The following MKNK2 variants were observed in gnomAD, a reference collection of about 807,000 sequenced individuals.
The protein encoded by MKNK2 is MAP kinase-interacting serine/threonine-protein kinase 2.
MKNK2 carries 54 observed loss-of-function variants against 55.0 expected under a neutral mutation model. The observed-to-expected ratio is 0.98, with a 90% confidence interval of 0.79 to 1.23. MKNK2 has a LOEUF of 1.23. Ranked by LOEUF, MKNK2 falls within the 50% of genes most tolerant of loss-of-function variation. The pLI is 0.00. For missense variants in MKNK2, 685 were observed against 632.1 expected, an observed-to-expected ratio of 1.08 and a Z score of -0.90; for synonymous variants, 323 against 256.0, an observed-to-expected ratio of 1.26 and a Z score of -2.50.
In MKNK2 at chr19:2,039,369, C is replaced by T. The variant is rs950045977; in HGVS notation, c.*244G>A. 4.3e-6 allele frequency: 6 copies of T among 1,380,130 alleles called. No individual in the cohort carries two copies. The African/African-American group carries it at 7.3e-5, about 17-fold the overall frequency. The allele number at this position is 1,380,130 out of a possible 1,614,324, so 85.5% of individuals were successfully genotyped here. On this transcript the variant is annotated 3_prime_UTR_variant, in exon 14 of 14. Transcript: ENST00000250896. ...GCCCACCCACCTACCCTCTGCTCAC[C>T]TTCCCGGGTGCCTGCAATGCTTTTA... is the stretch of plus-strand genomic sequence containing the variant.
intron 2 of MKNK2, 67 bp downstream of exon 2, chr19:2,050,734 G>T: frequency 6.9e-7 from 1 of 1,446,970 alleles, no homozygotes. Context: ...GGCGGGCCCC[G>T]CGCCCCCCAC....
Position 2,039,215 on chromosome 19 carries a change from A to T in MKNK2, c.*398T>A. On this transcript the variant is annotated 3_prime_UTR_variant, in exon 14 of 14. Transcript: ENST00000250896. ...CTGTGCCCCTCCCCAGCTCTGCAAGATGGCAAACGCTGTGGGCCTGCTCTC... is the reference window on the plus strand; with the variant it reads ...CTGTGCCCCTCCCCAGCTCTGCAAGTTGGCAAACGCTGTGGGCCTGCTCTC... 1 of 1,045,540 alleles carries T rather than the reference A, an allele frequency of 9.6e-7. No individual in the cohort carries two copies. The allele number at this position is 1,045,540 out of a possible 1,614,324, so 64.8% of individuals were successfully genotyped here. A position where few individuals can be genotyped will look rare whatever the true frequency, so the allele number is the denominator to read the frequency against.
chr19:2,042,620 T>A lies in MKNK2; in HGVS notation c.641A>T (p.Glu214Val), dbSNP rs1387942336. 8.3e-6 allele frequency: 13 copies of A among 1,565,014 alleles called. No individual in the cohort carries two copies. Among genetic ancestry groups the A allele is most frequent in the Non-Finnish European group, 1.0e-5 (12 of 1,154,508 alleles). Residue 214 changes from glutamate (E) to valine (V), a missense_variant, in exon 9 of 14, where the codon GAG becomes GTG. Coordinates refer to ENST00000250896, the MANE Select transcript of MKNK2 (RefSeq NM_199054.3). The part of the protein sequence containing the change: ...RDLKPENILC[E>V]HPNQVSPVKI... ...GAACTGGCCTACCTGGTTGGGGTGCTCACAGAGGATGTTTTCCGGCTTTAG... is the reference window on the plus strand; with the variant it reads ...GAACTGGCCTACCTGGTTGGGGTGCACACAGAGGATGTTTTCCGGCTTTAG...
chr19:2,046,782 A>G, intron 2 of MKNK2, 91 bp from the exon 3 acceptor site: 5 of 1,031,736 alleles, frequency 4.8e-6, no homozygotes, highest in Non-Finnish European at 6.9e-6. Context: ...CAGCGTCCAC[A>G]CTGACAAGCC....
Position 2,050,837 on chromosome 19 carries a change from T to C in MKNK2, c.15A>G (p.Lys5=), listed in dbSNP as rs2017101347. ...GGTGGAAACCCTGAAGTTCGGCTGG[T>C]TTCTTCTGCACCATCTTCTGTCCGG... is the stretch of plus-strand genomic sequence containing the variant. MVQK[K]PAELQGFHRS... Residue 5 remains lysine (K), a synonymous_variant, in exon 2 of 14, where the codon AAA becomes AAG. Coordinates refer to ENST00000250896, the MANE Select transcript of MKNK2 (RefSeq NM_199054.3). 1 of 1,536,828 alleles carries C rather than the reference T, an allele frequency of 6.5e-7. No individual in the cohort carries two copies. Among genetic ancestry groups the C allele is most frequent in the Non-Finnish European group, 8.8e-7 (1 of 1,141,566 alleles).
At chr19:2,040,444 C>A (rs2016851795) in intron 12 of MKNK2, 1 of 475,948 alleles carries the variant, frequency 2.1e-6, no homozygotes, top group Non-Finnish European at 3.7e-6. Context: ...GGCAGAGCCC[C>A]AAGCCCCATC....
chr19:2,050,701 G>A (rs1175128707), intron 2 of MKNK2, 100 bp downstream of exon 2: 3 of 1,172,714 alleles, frequency 2.6e-6, no homozygotes, highest in Non-Finnish European at 3.6e-6. Context: ...GGCCAGGCAC[G>A]AGCCCCGGGA....
At chr19:2,045,062 GAC>G (rs1315912212) in intron 5 of MKNK2, among the ~76,000 whole-genome samples, 1 of 152,046 alleles carries the variant, frequency 6.6e-6, no homozygotes, top group Non-Finnish European at 1.5e-5. Flanking sequence ...ACTCGCCCAG[GAC>G]ACCTCCTCCT....
In MKNK2 at chr19:2,042,453, T is replaced by C. The variant is rs975265342; in HGVS notation, c.724A>G (p.Ile242Val). The C allele has an allele frequency of 1.1e-5, 17 of 1,588,668 alleles. No homozygotes were observed. The highest frequency in any genetic ancestry group is 2.7e-5 in the African/African-American group (2 of 74,700). ...GIKLNGDCSP[I>V]STPELLTPCG... is the part of the protein sequence containing the mutation. ...GGAGTGAGCAGCTCCGGGGTGGAGA[T>C]AGGGGAGCAGTCCCCGTTGAGTTTG... Residue 242 changes from isoleucine (I) to valine (V), a missense_variant, in exon 10 of 14, where the codon ATC (isoleucine) becomes GTC (valine). By Grantham distance (29) the Ile-to-Val change is conservative (BLOSUM62 3). Transcript: ENST00000250896.
intron 10 of MKNK2, 23 bp from the exon 11 acceptor site, chr19:2,042,057 T>A: frequency 6.8e-7 from 1 of 1,462,194 alleles, no homozygotes; most frequent in Non-Finnish European, 9.0e-7. Flanking sequence ...GAGGGGCGCG[T>A]CAGCCGGGGT....
Position 2,039,113 on chromosome 19 carries a change from C to T in MKNK2, c.*500G>A. The T allele has an allele frequency of 1.0e-6, 1 of 988,308 alleles. No individual in the cohort carries two copies. The highest frequency in any genetic ancestry group is 1.2e-6 in the Non-Finnish European group (1 of 831,552). The allele number at this position is 988,308 out of a possible 1,614,324, so 61.2% of individuals were successfully genotyped here. A position where few individuals can be genotyped will look rare whatever the true frequency, so the allele number is the denominator to read the frequency against. On this transcript the variant is annotated 3_prime_UTR_variant, in exon 14 of 14. Coordinates refer to ENST00000250896, the MANE Select transcript of MKNK2 (RefSeq NM_199054.3). ...TTCCCCAACCAAGCCACCAGGGGTG[C>T]TCTCAGGGTGAGGGATAGAGGGGAA... is the stretch of plus-strand genomic sequence containing the variant.
rs568990149 is a variant in MKNK2, at chr19:2,041,027, G to A, written c.1110+13C>T. ...CCCATACCCCTCCTGCCGCCCGTGC[G>A]GCTGGTACTCACCCCCTGAACCCAG... On this transcript the variant is annotated intron_variant, in intron 12 of 13. Transcript: ENST00000250896. The A allele has an allele frequency of 1.9e-5, 31 of 1,613,438 alleles. No homozygotes were observed. The highest frequency in any genetic ancestry group is 3.3e-5 in the Admixed American group (2 of 60,000).
chr19:2,042,330 C>T, intron 10 of MKNK2, 97 bp downstream of exon 10: 1 of 1,142,418 alleles, frequency 8.8e-7, no homozygotes, highest in Non-Finnish European at 1.3e-6. Flanking sequence ...GAAGCCCGAG[C>T]TCCGCGGCCT....
At chr19:2,045,998 C>T (rs1191840366) in intron 5 of MKNK2, among the ~76,000 whole-genome samples, 188 bp downstream of exon 5, 1 of 152,208 alleles carries the variant, frequency 6.6e-6, no homozygotes, top group Non-Finnish European at 1.5e-5. Context: ...CTGTCTGAAG[C>T]CCCCACCCTG....
Position 2,037,631 on chromosome 19 carries a change from G to T in MKNK2, c.*1982C>A, listed in dbSNP as rs897836195. The stretch of plus-strand genomic sequence containing the variant: ...CCCCCACTTTAAAAAAACTTTTGAG[G>T]TTTTTTTTTTTTTTTTGTCTTTTAA... On this transcript the variant is annotated 3_prime_UTR_variant, in exon 14 of 14. Coordinates refer to ENST00000250896, the MANE Select transcript of MKNK2 (RefSeq NM_199054.3). 22 of 591,632 alleles carry T rather than the reference G, an allele frequency of 3.7e-5. No homozygotes were observed. Among genetic ancestry groups the T allele is most frequent in the East Asian group, 7.8e-5 (2 of 25,646 alleles). The allele number at this position is 591,632 out of a possible 1,614,324, so 36.6% of individuals were successfully genotyped here.
rs1288078270 is a variant in MKNK2, at chr19:2,051,182, C to G, written c.-183G>C. ...CCCGCTCCGCGGACCGCGCGGGGAA[C>G]AGCGCCGCCGCCGCCGCCAGCGCGG... On this transcript the variant is annotated 5_prime_UTR_variant, in exon 1 of 14. Transcript: ENST00000250896. The G allele has an allele frequency of 2.6e-5, 4 of 155,784 alleles. No individual in the cohort carries two copies. Among genetic ancestry groups the G allele is most frequent in the Non-Finnish European group, 5.7e-5 (4 of 70,554 alleles). The allele number at this position is 155,784 out of a possible 1,614,324, so 9.7% of individuals were successfully genotyped here. A position where few individuals can be genotyped will look rare whatever the true frequency, so the allele number is the denominator to read the frequency against.
At position 2,037,540 on chromosome 19, in the gene MKNK2, A is replaced by C. The variant is rs939414041; in HGVS notation, c.*2073T>G. ...AAATTCCGGCATTGACAGTTGGTGT[A>C]AAGGAAAACTTCTGAGCTCCGTCAG... On this transcript the variant is annotated 3_prime_UTR_variant, in exon 14 of 14. Transcript: ENST00000250896. 2.4e-5 allele frequency: 10 copies of C among 411,032 alleles called. No homozygotes were observed. Among genetic ancestry groups the C allele is most frequent in the Non-Finnish European group, 3.5e-5 (8 of 230,628 alleles). The allele number at this position is 411,032 out of a possible 1,614,324, so 25.5% of individuals were successfully genotyped here.
chr19:2,041,007 AC>A (rs2016866909), intron 12 of MKNK2, 32 bp downstream of exon 12: 1 of 1,610,574 alleles, frequency 6.2e-7, no homozygotes. Flanking sequence ...GCGCCCCCAT[AC>A]CCCTCCTGCC....
Position 2,050,670 on chromosome 19 carries a change from C to T in MKNK2, c.51+131G>A, listed in dbSNP as rs1253657718. The stretch of plus-strand genomic sequence containing the variant: ...CGCTTCAGCGCACGGCCGGCCCGGG[C>T]AGCCCCGGGTGTAGGGCGGGGGCCA... On this transcript the variant is annotated intron_variant, in intron 2 of 13. Transcript: ENST00000250896. 4 of 797,092 alleles carry T rather than the reference C, an allele frequency of 5.0e-6. No homozygotes were observed. The South Asian group carries it at 5.6e-5, about 11-fold the overall frequency. 49.4% of individuals were successfully genotyped at this position (797,092 alleles called of 1,614,324 possible). A position where few individuals can be genotyped will look rare whatever the true frequency, so the allele number is the denominator to read the frequency against.
Sources: allele counts gnomAD v4.1 joint callset (sites outside exome capture counted in the v4.1 genomes callset), GRCh38; gene constraint gnomAD v4.1.1; transcripts MANE v1.5; gene names NCBI Gene and HGNC (gene_info 2026-07-23, HGNC 2026-07-21).